Variants in DPP6 observed in about 807,000 individuals in gnomAD.
The protein encoded by DPP6 is dipeptidyl peptidase like 6.
In DPP6, 69 loss-of-function variants were observed where a neutral mutation model predicts 122.6. That is an observed-to-expected ratio of 0.56 (90% CI 0.46 to 0.69). The LOEUF (loss-of-function observed/expected upper bound fraction) is 0.69, where lower values mean the gene tolerates loss of function less well. Ranked by LOEUF, DPP6 falls within the 30% of genes least tolerant of loss-of-function variation. The probability of loss-of-function intolerance (pLI) is 0.00; values close to 1 mark genes in which losing one functional copy is unlikely to be tolerated. For missense variants in DPP6, 928 were observed against 1,116.9 expected (o/e 0.83, Z 2.41); for synonymous variants, 418 against 433.1 (o/e 0.97, Z 0.43).
chr7:154,205,807 A>G (rs1563316039), intron 1 of DPP6, among the ~76,000 whole-genome samples: 3 of 151,806 alleles, frequency 2.0e-5, no homozygotes, highest in African/African-American at 7.3e-5. Context: ...TTAACTAAAA[A>G]CGCTCAAGAT....
At chr7:154,497,145 C>T (rs974052655) in intron 3 of DPP6, among the ~76,000 whole-genome samples, 1 of 152,144 alleles carries the variant, frequency 6.6e-6, no homozygotes, top group Non-Finnish European at 1.5e-5. Context: ...GTAACCTTCA[C>T]AAACTTGGAA....
chr7:154,514,578 A>G (rs544565813), intron 3 of DPP6, among the ~76,000 whole-genome samples: 1 of 151,866 alleles, frequency 6.6e-6, no homozygotes, highest in East Asian at 1.9e-4. Context: ...CCACCATTCT[A>G]CTTCCTGTCT....
rs1228096930 is a variant in DPP6 at position 154,282,821 on chromosome 7, T to C, written c.244-163393T>C. 6.6e-6 allele frequency among the ~76,000 whole-genome samples: 1 copy of C among 152,146 alleles called. No homozygotes were observed. Among genetic ancestry groups the C allele is most frequent in the Non-Finnish European group, 1.5e-5 (1 of 68,018 alleles). On this transcript the variant is annotated intron_variant, in intron 1 of 25. Transcript: ENST00000377770. This position sits in a 1 kb window ranked among gnomAD's most constrained non-coding sequence, Gnocchi z 4.8. ...TAAAGGGTTTAGAAATAACCACAAA[T>C]AGGCCCATTTATAACAAGAGGTTGA...
intron 8 of DPP6, among the ~76,000 whole-genome samples, chr7:154,731,808 G>A (rs778859026): frequency 2.6e-5 from 4 of 152,120 alleles, no homozygotes; most frequent in South Asian, 2.1e-4. Context: ...TAAACTAAAC[G>A]TAAGATGTTA....
the DPP6 span, among the ~76,000 whole-genome samples, chr7:153,750,123 A>G: frequency 6.6e-6 from 1 of 152,212 alleles, no homozygotes; most frequent in Non-Finnish European, 1.5e-5. Context: ...TATTGGATTC[A>G]CTTGGCAGAT....
intron 11 of DPP6, 58 bp downstream of exon 11, chr7:154,794,260 C>A: frequency 6.6e-7 from 1 of 1,504,394 alleles, no homozygotes; most frequent in African/African-American, 1.4e-5. Flanking sequence ...GTCAGACGCG[C>A]CCGAGGTGGC....
At chr7:154,503,057 T>C (rs1825382538) in intron 3 of DPP6, among the ~76,000 whole-genome samples, 2 of 152,182 alleles carry the variant, frequency 1.3e-5, no homozygotes, top group South Asian at 4.1e-4. Context: ...TGGTCCTGGA[T>C]TTCCTAAGAA....
chr7:154,399,431 T>C (rs1815374534), intron 1 of DPP6, among the ~76,000 whole-genome samples: 1 of 152,224 alleles, frequency 6.6e-6, no homozygotes, highest in South Asian at 2.1e-4. Flanking sequence ...TTATTATTTC[T>C]ATAAAATGAA....
chr7:154,586,570 C>T (rs541223041), intron 5 of DPP6, among the ~76,000 whole-genome samples: 41 of 152,266 alleles, frequency 2.7e-4, no homozygotes, highest in African/African-American at 9.4e-4. Flanking sequence ...CAGGCTGTCA[C>T]GGTGGGACAC....
chr7:154,669,195 G>A (rs1440136084), intron 6 of DPP6, among the ~76,000 whole-genome samples, 165 bp from the exon 7 acceptor site: 1 of 152,190 alleles, frequency 6.6e-6, no homozygotes, highest in Non-Finnish European at 1.5e-5. Context: ...ACCTAATAGA[G>A]ACTAAATGAG....
At chr7:153,816,375 A>G in the DPP6 span, among the ~76,000 whole-genome samples, 1 of 152,062 alleles carries the variant, frequency 6.6e-6, no homozygotes, top group Non-Finnish European at 1.5e-5. Context: ...ATACATAGTG[A>G]AGATGTCCTA....
intron 1 of DPP6, among the ~76,000 whole-genome samples, chr7:154,197,508 G>A (rs1254472883): frequency 1.3e-5 from 2 of 152,162 alleles, no homozygotes; most frequent in African/African-American, 4.8e-5. Context: ...TCATCAGAGA[G>A]TGTTCCTGAT....
chr7:154,589,176 T>A (rs1832656959), intron 5 of DPP6, among the ~76,000 whole-genome samples: 1 of 152,216 alleles, frequency 6.6e-6, no homozygotes, highest in African/African-American at 2.4e-5. Context: ...GCTGCCCTCC[T>A]CAACCTTTCT....
chr7:153,895,800 A>G (rs1485224035), intron 1 of DPP6, among the ~76,000 whole-genome samples: 1 of 151,980 alleles, frequency 6.6e-6, no homozygotes. Flanking sequence ...TACTGGCACC[A>G]TTGTCCAGCA....
intron 4 of DPP6, among the ~76,000 whole-genome samples, chr7:154,548,659 C>T (rs1296263017): frequency 6.6e-6 from 1 of 152,156 alleles, no homozygotes; most frequent in Non-Finnish European, 1.5e-5. Flanking sequence ...CTTCAAGTGA[C>T]AGTCAGGGAA....
At chr7:153,885,473 CTTT>C (rs760089264), upstream of DPP6, among the ~76,000 whole-genome samples, 9,215 of 152,142 alleles carry the variant, frequency 0.061, 478 homozygotes, top group East Asian at 0.25. Flanking sequence ...AGAGAGGTGC[CTTT>C]CCTCACACCA....
intron 10 of DPP6, among the ~76,000 whole-genome samples, chr7:154,775,577 G>A (rs181247455): frequency 1.3e-5 from 2 of 152,142 alleles, no homozygotes; most frequent in Admixed American, 6.5e-5. Context: ...GAACCAGTGA[G>A]CTCTTAAAAA....
chr7:153,809,282 TTC>T, the DPP6 span, among the ~76,000 whole-genome samples: 4 of 152,022 alleles, frequency 2.6e-5, no homozygotes, highest in Admixed American at 6.5e-5. Flanking sequence ...GAGTTCCTTC[TTC>T]TCTTTGGATA....
intron 1 of DPP6, among the ~76,000 whole-genome samples, chr7:154,128,622 C>G (rs1234273346): frequency 6.6e-6 from 1 of 152,096 alleles, no homozygotes; most frequent in Non-Finnish European, 1.5e-5. Context: ...ATCTCCTGAC[C>G]TCGTGATCCA....
Sources: allele counts gnomAD v4.1 joint callset (sites outside exome capture counted in the v4.1 genomes callset), GRCh38; gene constraint gnomAD v4.1.1; non-coding constraint Gnocchi (gnomAD v3.1); transcripts MANE v1.5; gene names NCBI Gene and HGNC (gene_info 2026-07-23, HGNC 2026-07-21).